ATP7A: variants seen among roughly 807,000 people sequenced by gnomAD.
ATP7A encodes copper-transporting ATPase 1.
ATP7A carries 7 observed loss-of-function variants against 83.5 expected under a neutral mutation model. The observed-to-expected ratio is 0.08, with a 90% confidence interval of 0.05 to 0.16. ATP7A has a LOEUF of 0.16. Among genes scored for constraint, ATP7A ranks in the 10% least tolerant of loss-of-function variants. The pLI, the probability that ATP7A is intolerant of heterozygous loss-of-function variation, is 1.00. For missense variants in ATP7A, 940 were observed against 1,120.8 expected (o/e 0.84, Z 2.30); for synonymous variants, 354 against 395.2 (o/e 0.90, Z 1.24).
At chrX:78,009,607 TTTTG>T (rs781814202) in intron 7 of ATP7A, among the ~76,000 whole-genome samples, 1 of 112,124 alleles carries the variant, frequency 8.9e-6, no homozygotes, top group African/African-American at 3.2e-5. Context: ...CTTGATGGCT[TTTTG>T]TTTGTTAGGT....
Position 78,049,332 on chromosome X carries a change from T to C in ATP7A, c.*2762T>C, listed in dbSNP as rs899364100. 8.9e-6 allele frequency: 1 copy of C among 112,430 alleles called. No individual in the cohort carries two copies. Among genetic ancestry groups the C allele is most frequent in the Admixed American group, 9.5e-5 (1 of 10,573 alleles). 9.3% of individuals were successfully genotyped at this position (112,430 alleles called of 1,213,427 possible). A position where few individuals can be genotyped will look rare whatever the true frequency, so the allele number is the denominator to read the frequency against. ...TATTACCATACTGAAGGGAAATGGA[T>C]TTATATTTGAATTTGATATTTGAAT... is the stretch of plus-strand genomic sequence containing the variant. On this transcript the variant is annotated 3_prime_UTR_variant, in exon 23 of 23. Transcript: ENST00000341514.
intron 2 of ATP7A, among the ~76,000 whole-genome samples, 200 bp from the exon 3 acceptor site, chrX:77,988,042 A>G (rs2077648459): frequency 1.8e-5 from 2 of 111,652 alleles, no homozygotes; most frequent in Admixed American, 9.6e-5. Context: ...ATATGTCTGC[A>G]TATATAACTT....
intron 2 of ATP7A, among the ~76,000 whole-genome samples, chrX:77,978,577 T>C (rs1166186142): frequency 1.8e-5 from 2 of 111,802 alleles, no homozygotes; most frequent in African/African-American, 6.5e-5. Flanking sequence ...CTAGTTGTTA[T>C]GTTGAAAGGA....
intron 1 of ATP7A, among the ~76,000 whole-genome samples, chrX:77,970,384 C>A (rs1312791878): frequency 8.9e-6 from 1 of 111,900 alleles, no homozygotes; most frequent in Non-Finnish European, 1.9e-5. Flanking sequence ...AGAAACAAGT[C>A]ATTAGGCCAG....
intron 7 of ATP7A, among the ~76,000 whole-genome samples, chrX:78,010,735 A>G (rs1299081614): frequency 9.3e-6 from 1 of 107,671 alleles, no homozygotes; most frequent in East Asian, 2.9e-4. Context: ...ACCTGCCACT[A>G]TTTCCAGCTA....
intron 4 of ATP7A, 28 bp from the exon 5 acceptor site, chrX:77,998,450 A>G (rs1468473547): frequency 2.2e-5 from 26 of 1,193,468 alleles, no homozygotes; most frequent in Non-Finnish European, 2.7e-5. Flanking sequence ...AATACTGCAA[A>G]TGAAAAGAAT....
intron 1 of ATP7A, among the ~76,000 whole-genome samples, chrX:77,931,409 ACTT>A (rs1254100368): frequency 2.7e-5 from 3 of 111,740 alleles, no homozygotes; most frequent in African/African-American, 6.5e-5. Context: ...TCCCATGTCT[ACTT>A]CTTTCTACAC....
intron 17 of ATP7A, among the ~76,000 whole-genome samples, chrX:78,035,708 C>T (rs1184784280): frequency 2.7e-5 from 3 of 111,738 alleles, no homozygotes; most frequent in East Asian, 2.8e-4. Context: ...TTCTTCCTTA[C>T]GGTGTGTCAT....
chrX:77,990,512 G>C (rs1164832855), intron 4 of ATP7A, among the ~76,000 whole-genome samples: 5 of 111,539 alleles, frequency 4.5e-5, no homozygotes, highest in African/African-American at 1.6e-4. Context: ...ATGTAGCTAT[G>C]TATTTATATA....
chrX:77,931,406 TCTA>T (rs1423300685), intron 1 of ATP7A, among the ~76,000 whole-genome samples: 5 of 111,693 alleles, frequency 4.5e-5, no homozygotes, highest in African/African-American at 1.6e-4. Context: ...GTCTCCCATG[TCTA>T]CTTCTTTCTA....
intron 1 of ATP7A, among the ~76,000 whole-genome samples, chrX:77,927,168 A>G (rs1557223683): frequency 8.9e-6 from 1 of 112,182 alleles, no homozygotes; most frequent in Non-Finnish European, 1.9e-5. Flanking sequence ...TGCTAACTAA[A>G]TGAAGAAAGT....
chrX:78,027,100 A>G (rs1158648105), intron 14 of ATP7A, among the ~76,000 whole-genome samples: 1 of 108,551 alleles, frequency 9.2e-6, no homozygotes, highest in Non-Finnish European at 1.9e-5. Context: ...CACTGAGCCT[A>G]GATCACGCCA....
At chrX:78,008,144 T>G (rs2077790820) in intron 6 of ATP7A, among the ~76,000 whole-genome samples, 1 of 112,230 alleles carries the variant, frequency 8.9e-6, no homozygotes, top group East Asian at 2.8e-4. Flanking sequence ...TCTGCCAGTT[T>G]TCTCATTGCT....
Position 78,048,063 on chromosome X carries a change from C to T in ATP7A, c.*1493C>T, listed in dbSNP as rs1229042140. On this transcript the variant is annotated 3_prime_UTR_variant, in exon 23 of 23. Transcript: ENST00000341514. ...ACTAAAATTTCCCTAGGTTATGACGCTTTTTAGCTAAATATATACTCTTCT... is the reference window on the plus strand; with the variant it reads ...ACTAAAATTTCCCTAGGTTATGACGTTTTTTAGCTAAATATATACTCTTCT... 8.9e-6 allele frequency: 1 copy of T among 111,779 alleles called. No homozygotes were observed. Among genetic ancestry groups the T allele is most frequent in the Non-Finnish European group, 1.9e-5 (1 of 53,172 alleles). The allele number at this position is 111,779 out of a possible 1,213,427, so 9.2% of individuals were successfully genotyped here. A position where few individuals can be genotyped will look rare whatever the true frequency, so the allele number is the denominator to read the frequency against.
At chrX:77,935,414 G>A (rs1557224976) in intron 1 of ATP7A, among the ~76,000 whole-genome samples, 1 of 112,324 alleles carries the variant, frequency 8.9e-6, no homozygotes, top group Non-Finnish European at 1.9e-5. Flanking sequence ...AAGTGGCAGA[G>A]CCAGGATTTG....
At chrX:78,012,808 T>C in intron 9 of ATP7A, 71 bp from the exon 10 acceptor site, 1 of 938,731 alleles carries the variant, frequency 1.1e-6, no homozygotes, top group South Asian at 2.0e-5. Flanking sequence ...ATTGATACTT[T>C]AAGTTATTGA....
At position 77,989,536 on chromosome X, in the gene ATP7A, T is replaced by C; in HGVS notation, c.914T>C (p.Val305Ala). The C allele has an allele frequency of 8.3e-7, 1 of 1,211,671 alleles. No individual in the cohort carries two copies. The highest frequency in any genetic ancestry group is 1.1e-6 in the Non-Finnish European group (1 of 895,229). Reference sequence around the variant, plus strand: ...AGTACTTTATCTGCACTCCAATATGTAAGCAGCATAGTAGTTTCTTTAGAG... The same window carrying C: ...AGTACTTTATCTGCACTCCAATATGCAAGCAGCATAGTAGTTTCTTTAGAG... Reference protein sequence around the residue: ...IESTLSALQYVSSIVVSLENR... With the variant: ...IESTLSALQYASSIVVSLENR... The change falls in exon 4 of 23, where the codon GTA becomes GCA. Residue 305 changes from valine to alanine, a missense_variant. Val to Ala is a moderately conservative substitution (Grantham distance 64). Transcript: ENST00000341514.
At chrX:78,037,980 G>GTTTTTTGTTTT (rs2078023897) in intron 17 of ATP7A, among the ~76,000 whole-genome samples, 1 of 51,220 alleles carries the variant, frequency 2.0e-5, no homozygotes, top group Non-Finnish European at 3.2e-5. Flanking sequence ...ATCAAGAAAG[G>GTTTTTTGTTTT]TTTTTTTTTT....
chrX:78,026,724 C>T (rs943446426), intron 14 of ATP7A, among the ~76,000 whole-genome samples: 2 of 111,819 alleles, frequency 1.8e-5, no homozygotes, highest in African/African-American at 6.5e-5. Flanking sequence ...ACAACTAGAT[C>T]AGATCAAGCG....
Sources: gnomAD v4.1 joint callset for allele counts (sites outside exome capture counted in the v4.1 genomes callset) on GRCh38, gnomAD v4.1.1 for gene constraint, MANE v1.5 for transcripts, NCBI Gene and HGNC (gene_info 2026-07-23, HGNC 2026-07-21) for gene names.